TEF: variants seen among roughly 807,000 people sequenced by gnomAD.
TEF encodes the protein TEF transcription factor, PAR bZIP family member, also known as thyrotroph embryonic factor.
Under a neutral mutation model 20.8 loss-of-function variants are expected in TEF, and 3 were observed. The ratio of observed to expected loss-of-function variants is 0.14; its 90% CI spans 0.07 to 0.37. The LOEUF (loss-of-function observed/expected upper bound fraction) is 0.37, where lower values mean the gene tolerates loss of function less well. Among genes scored for constraint, TEF ranks in the 10% least tolerant of loss-of-function variants. The pLI, the probability that TEF is intolerant of heterozygous loss-of-function variation, is 1.00. For missense variants in TEF, 296 were observed against 397.9 expected (o/e 0.74, Z 2.18); for synonymous variants, 180 against 171.1 (o/e 1.05, Z -0.41).
chr22:41,396,877 T>C lies in TEF; in HGVS notation c.*917T>C. 1 of 398,382 alleles carries C rather than the reference T, an allele frequency of 2.5e-6. No homozygotes were observed. The highest frequency in any genetic ancestry group is 4.4e-6 in the Non-Finnish European group (1 of 226,066). 24.7% of individuals were successfully genotyped at this position (398,382 alleles called of 1,614,324 possible). On this transcript the variant is annotated 3_prime_UTR_variant, in exon 4 of 4. Coordinates refer to ENST00000266304, the MANE Select transcript of TEF (RefSeq NM_003216.4). ...CCCTCTTATCTAGGAGGCTTTAACT[T>C]CCTGGACCCCAGGATTCACCTTCCT...
At chr22:41,378,596 G>A (rs992629797), upstream of TEF, among the ~76,000 whole-genome samples, 3 of 151,806 alleles carry the variant, frequency 2.0e-5, no homozygotes, top group Non-Finnish European at 1.5e-5. Flanking sequence ...CTCCCGGCTC[G>A]GCCTCCCAAA....
chr22:41,386,716 C>T (rs887697205), intron 1 of TEF, among the ~76,000 whole-genome samples: 17 of 151,682 alleles, frequency 1.1e-4, no homozygotes, highest in African/African-American at 3.4e-4. Flanking sequence ...GTAAGCCAGC[C>T]GAAGCAACAA....
At chr22:41,381,349 C>A (rs1256961678), upstream of TEF, among the ~76,000 whole-genome samples, 1 of 151,508 alleles carries the variant, frequency 6.6e-6, no homozygotes, top group Non-Finnish European at 1.5e-5. Context: ...CCTCGTGCAC[C>A]GCCCCGGGCC....
chr22:41,379,194 C>A (rs1334218515), upstream of TEF, among the ~76,000 whole-genome samples: 1 of 151,946 alleles, frequency 6.6e-6, no homozygotes, highest in East Asian at 1.9e-4. Flanking sequence ...AAAAATTAGG[C>A]GGGCACGGTG....
At chr22:41,394,403 G>A (rs2037203420) in intron 3 of TEF, 87 bp downstream of exon 3, 1 of 1,284,470 alleles carries the variant, frequency 7.8e-7, no homozygotes, top group South Asian at 1.5e-5. Context: ...TTTATCTGGA[G>A]AGCCTTCCCT....
Position 41,396,845 on chromosome 22 carries a change from G to A in TEF, c.*885G>A, listed in dbSNP as rs2145994937. On this transcript the variant is annotated 3_prime_UTR_variant, in exon 4 of 4. Coordinates refer to ENST00000266304, the MANE Select transcript of TEF (RefSeq NM_003216.4). ...CCAGTCTTGGATCATAGATTTAAAAGGAAAACCCCTCTTATCTAGGAGGCT... is the reference window on the plus strand; with the variant it reads ...CCAGTCTTGGATCATAGATTTAAAAAGAAAACCCCTCTTATCTAGGAGGCT... The A allele has an allele frequency of 2.5e-6, 1 of 398,050 alleles. No homozygotes were observed. Among genetic ancestry groups the A allele is most frequent in the East Asian group, 3.6e-5 (1 of 28,066 alleles). The allele number at this position is 398,050 out of a possible 1,614,324, so 24.7% of individuals were successfully genotyped here.
intron 1 of TEF, among the ~76,000 whole-genome samples, chr22:41,375,994 C>G (rs2036937133): frequency 6.6e-6 from 1 of 152,158 alleles, no homozygotes; most frequent in Admixed American, 6.5e-5. Context: ...CTCCTGCTCT[C>G]ACACGTCCCA....
At chr22:41,377,743 G>A (rs532311655), upstream of TEF, among the ~76,000 whole-genome samples, 1 of 152,264 alleles carries the variant, frequency 6.6e-6, no homozygotes, top group African/African-American at 2.4e-5. Context: ...CAGTATTTGT[G>A]ACACATCATC....
In TEF at chr22:41,395,963, C is replaced by A. The variant is rs749362969; in HGVS notation, c.*3C>A. 6.2e-7 allele frequency: 1 copy of A among 1,606,992 alleles called. No homozygotes were observed. Among genetic ancestry groups the A allele is most frequent in the East Asian group, 2.2e-5 (1 of 44,634 alleles). ...AGACCAAATACGGGCCCTTGTAACC[C>A]GTGCCCCCCGCCCGGGCGGGGTACT... On this transcript the variant is annotated 3_prime_UTR_variant, in exon 4 of 4. Transcript: ENST00000266304.
Position 41,381,999 on chromosome 22 carries a change from G to GGGGCGGGC in TEF, c.-42_-35dup, listed in dbSNP as rs2037032332. 1 of 1,229,616 alleles carries GGGGCGGGC rather than the reference G, an allele frequency of 8.1e-7. No homozygotes were observed. Among genetic ancestry groups the GGGGCGGGC allele is most frequent in the Admixed American group, 4.2e-5 (1 of 23,636 alleles). The allele number at this position is 1,229,616 out of a possible 1,614,324, so 76.2% of individuals were successfully genotyped here. On this transcript the variant is annotated 5_prime_UTR_variant, in exon 1 of 4. Coordinates refer to ENST00000266304, the MANE Select transcript of TEF (RefSeq NM_003216.4). Reference sequence around the variant, plus strand: ...GTCGCACGGCTCCGGCCCATCTCGGGGGGCGGGCGGGGGAGGCGAGGTGCG... The same window carrying GGGGCGGGC: ...GTCGCACGGCTCCGGCCCATCTCGGGGGGCGGGCGGGCGGGCGGGGGAGGCGAGGTGCG...
exon 1 of TEF, chr22:41,367,556 G>A (rs762597282): frequency 1.3e-6 from 2 of 1,551,378 alleles, no homozygotes; most frequent in East Asian, 2.4e-5. Flanking sequence ...AGGTCCTCAA[G>A]TCCCTGCTGG....
At chr22:41,377,273 G>A (rs371847410), upstream of TEF, 73 of 152,318 alleles carry the variant, frequency 4.8e-4, no homozygotes, top group African/African-American at 1.6e-3. Context: ...TTGCGCTGCT[G>A]AGGCAAGCAC....
intron 1 of TEF, among the ~76,000 whole-genome samples, chr22:41,385,118 C>A (rs1191762176): frequency 6.6e-6 from 1 of 152,084 alleles, no homozygotes; most frequent in Admixed American, 6.5e-5. Context: ...AATCCCAGCA[C>A]TTTGGGAGGC....
chr22:41,372,263 GC>G (rs1293640204), intron 1 of TEF, among the ~76,000 whole-genome samples: 4 of 151,620 alleles, frequency 2.6e-5, no homozygotes, highest in African/African-American at 9.7e-5. Flanking sequence ...TTCTCTACCT[GC>G]CCCCCACCCC....
At chr22:41,383,967 G>T (rs767593) in intron 1 of TEF, among the ~76,000 whole-genome samples, 29,252 of 152,166 alleles carry the variant, frequency 0.19, 3,918 homozygotes, top group Admixed American at 0.39. Context: ...TTACTTCTCA[G>T]TTGGTTTTAA....
At position 41,397,489 on chromosome 22, in the gene TEF, A is replaced by C; in HGVS notation, c.*1529A>C. 5.9e-6 allele frequency: 1 copy of C among 168,160 alleles called. No individual in the cohort carries two copies. Among genetic ancestry groups the C allele is most frequent in the African/African-American group, 2.4e-5 (1 of 42,282 alleles). The allele number at this position is 168,160 out of a possible 1,614,324, so 10.4% of individuals were successfully genotyped here. A position where few individuals can be genotyped will look rare whatever the true frequency, so the allele number is the denominator to read the frequency against. On this transcript the variant is annotated 3_prime_UTR_variant, in exon 4 of 4. Transcript: ENST00000266304. ...GTCCTCCGTAACACTGGCTTTATTT[A>C]CCGTGGTGGTTCAGAGTCCCAGGCC...
intron 2 of TEF, 79 bp from the exon 3 acceptor site, chr22:41,394,017 A>T (rs12484308): frequency 2.2e-6 from 3 of 1,375,254 alleles, no homozygotes; most frequent in East Asian, 2.3e-5. Flanking sequence ...TTGAGGTTCA[A>T]CCAGGTGTCT....
At chr22:41,373,194 G>A (rs1462772112) in intron 1 of TEF, among the ~76,000 whole-genome samples, 2 of 152,186 alleles carry the variant, frequency 1.3e-5, no homozygotes, top group Non-Finnish European at 2.9e-5. Context: ...TATAGGCCAG[G>A]TGGTGTCCTA....
intron 1 of TEF, chr22:41,370,147 G>A (rs769484659): frequency 9.3e-6 from 9 of 965,868 alleles, no homozygotes; most frequent in Non-Finnish European, 1.1e-5. Flanking sequence ...TAAGAGTCTT[G>A]CTCTATCGCC....
Sources: gnomAD v4.1 joint callset for allele counts (sites outside exome capture counted in the v4.1 genomes callset) on GRCh38, gnomAD v4.1.1 for gene constraint, MANE v1.5 for transcripts, NCBI Gene and HGNC (gene_info 2026-07-23, HGNC 2026-07-21) for gene names.